TASP1: variants seen among roughly 807,000 people sequenced by gnomAD.
TASP1 encodes the protein taspase 1.
TASP1 carries 16 observed loss-of-function variants against 56.6 expected under a neutral mutation model. The ratio of observed to expected loss-of-function variants is 0.28; its 90% confidence interval spans 0.19 to 0.43. TASP1 has a LOEUF of 0.43. Ranked by LOEUF, TASP1 falls within the 20% of genes least tolerant of loss-of-function variation. The probability of loss-of-function intolerance (pLI) is 1.00; values close to 1 mark genes in which losing one functional copy is unlikely to be tolerated. For missense variants in TASP1, 393 were observed against 511.6 expected (o/e 0.77, Z 2.24); for synonymous variants, 179 against 184.2 (o/e 0.97, Z 0.23).
At chr20:13,110,634 C>G in the TASP1 span, among the ~76,000 whole-genome samples, 1 of 152,124 alleles carries the variant, frequency 6.6e-6, no homozygotes, top group African/African-American at 2.4e-5. Flanking sequence ...ACGCCCAACC[C>G]CCAGCTGCTT....
chr20:13,528,113 C>T (rs1277771788), intron 10 of TASP1, among the ~76,000 whole-genome samples: 1 of 148,992 alleles, frequency 6.7e-6, no homozygotes, highest in Admixed American at 6.8e-5. Context: ...ATCCCAGCTA[C>T]TCGGAAGGCT....
chr20:13,232,541 C>A, the TASP1 span, among the ~76,000 whole-genome samples: 1 of 152,098 alleles, frequency 6.6e-6, no homozygotes, highest in African/African-American at 2.4e-5. Context: ...ACCCATTGAC[C>A]CATTTAGGTT....
intron 8 of TASP1, among the ~76,000 whole-genome samples, chr20:13,544,104 A>G (rs961015544): frequency 2.0e-5 from 3 of 152,158 alleles, no homozygotes; most frequent in Non-Finnish European, 4.4e-5. Flanking sequence ...CCTTTAGTCT[A>G]TTGTTCAAAA....
At chr20:13,369,865 G>A in the TASP1 span, among the ~76,000 whole-genome samples, 1 of 152,134 alleles carries the variant, frequency 6.6e-6, no homozygotes, top group African/African-American at 2.4e-5. Flanking sequence ...TGAAATGCAG[G>A]TACTTTTCCC....
the TASP1 span, among the ~76,000 whole-genome samples, chr20:13,264,495 C>G: frequency 6.6e-6 from 1 of 152,204 alleles, no homozygotes; most frequent in Non-Finnish European, 1.5e-5. Flanking sequence ...TTATCTTCCT[C>G]CTATTGTAGT....
intron 13 of TASP1, among the ~76,000 whole-genome samples, chr20:13,391,107 G>A (rs2041257021): frequency 6.6e-6 from 1 of 152,204 alleles, no homozygotes; most frequent in South Asian, 2.1e-4. Flanking sequence ...GGTGGTTCAT[G>A]TAGCATAAAG....
chr20:13,564,463 T>C (rs2046446534), intron 7 of TASP1, among the ~76,000 whole-genome samples: 1 of 151,956 alleles, frequency 6.6e-6, no homozygotes, highest in Non-Finnish European at 1.5e-5. Context: ...GACACCCAGG[T>C]TCATGAATTG....
chr20:13,419,961 T>C (rs1446877250), intron 12 of TASP1, among the ~76,000 whole-genome samples: 1 of 152,232 alleles, frequency 6.6e-6, no homozygotes, highest in Non-Finnish European at 1.5e-5. Flanking sequence ...AGGTCTGGGA[T>C]AGTCTAACTT....
the TASP1 span, among the ~76,000 whole-genome samples, chr20:13,203,918 T>G: frequency 6.6e-6 from 1 of 152,336 alleles, no homozygotes; most frequent in Admixed American, 6.5e-5. Context: ...CTGACCCAAC[T>G]TTTTAAATCT....
At chr20:13,428,781 T>C (rs944702131) in intron 12 of TASP1, among the ~76,000 whole-genome samples, 4 of 151,650 alleles carry the variant, frequency 2.6e-5, no homozygotes, top group African/African-American at 9.8e-5. Context: ...TTATCCAACA[T>C]TTCCAACCAA....
the TASP1 span, among the ~76,000 whole-genome samples, chr20:13,287,863 A>G: frequency 2.0e-5 from 3 of 152,194 alleles, no homozygotes; most frequent in Non-Finnish European, 2.9e-5. Context: ...ACCGTTTATT[A>G]TTTCTCATGA....
the TASP1 span, chr20:13,368,777 C>T: frequency 6.6e-6 from 1 of 152,250 alleles, no homozygotes; most frequent in Non-Finnish European, 1.5e-5. Flanking sequence ...CCTTCCCCAA[C>T]CCCTGTACCC....
chr20:13,572,254 TAG>T (rs1380313802), intron 6 of TASP1, among the ~76,000 whole-genome samples: 1 of 152,196 alleles, frequency 6.6e-6, no homozygotes, highest in South Asian at 2.1e-4. Context: ...AACAAAATAA[TAG>T]AGTGTCAAAC....
chr20:13,275,847 A>G, the TASP1 span, among the ~76,000 whole-genome samples: 1 of 152,240 alleles, frequency 6.6e-6, no homozygotes, highest in Non-Finnish European at 1.5e-5. Flanking sequence ...AGAGACCAAC[A>G]CTACATCTTC....
At chr20:13,634,985 G>A (rs1026608031) in intron 1 of TASP1, among the ~76,000 whole-genome samples, 10 of 152,202 alleles carry the variant, frequency 6.6e-5, no homozygotes, top group South Asian at 2.1e-4. Flanking sequence ...CAGAGACCGC[G>A]CCATCGCACT....
chr20:13,112,734 G>T, the TASP1 span, among the ~76,000 whole-genome samples: 1 of 152,200 alleles, frequency 6.6e-6, no homozygotes, highest in Non-Finnish European at 1.5e-5. Context: ...TTCACAGATA[G>T]GTAACAGGGC....
At chr20:13,258,077 C>T in the TASP1 span, among the ~76,000 whole-genome samples, 2 of 152,074 alleles carry the variant, frequency 1.3e-5, no homozygotes, top group Admixed American at 1.3e-4. Context: ...GTGCCTGGAA[C>T]GGGTGGTATT....
At chr20:13,233,125 C>T in the TASP1 span, among the ~76,000 whole-genome samples, 1 of 152,106 alleles carries the variant, frequency 6.6e-6, no homozygotes, top group Non-Finnish European at 1.5e-5. Context: ...TGCCCCATTC[C>T]TTGTCCCCAT....
At chr20:13,234,072 T>C in the TASP1 span, among the ~76,000 whole-genome samples, 1 of 152,138 alleles carries the variant, frequency 6.6e-6, no homozygotes, top group Non-Finnish European at 1.5e-5. Flanking sequence ...ATCACCTGAG[T>C]AGTGAATATT....
Sources: gnomAD v4.1 joint callset for allele counts (sites outside exome capture counted in the v4.1 genomes callset) on GRCh38, gnomAD v4.1.1 for gene constraint, MANE v1.5 for transcripts, NCBI Gene and HGNC (gene_info 2026-07-23, HGNC 2026-07-21) for gene names.